ADAMTS5: variants seen among roughly 807,000 people sequenced by gnomAD.
ADAMTS5 encodes A disintegrin and metalloproteinase with thrombospondin motifs 5.
In ADAMTS5, 54 loss-of-function variants were observed where a neutral mutation model predicts 81.4. That is an observed-to-expected ratio of 0.66 (90% CI 0.53 to 0.83). ADAMTS5 has a LOEUF of 0.83. Ranked by LOEUF, ADAMTS5 falls within the 40% of genes least tolerant of loss-of-function variation. The probability of loss-of-function intolerance (pLI) is 0.00; values close to 1 mark genes in which losing one functional copy is unlikely to be tolerated. For synonymous variants in ADAMTS5, 532 were observed against 508.8 expected (o/e 1.05, Z -0.61); for missense variants, 1,194 against 1,229.9 (o/e 0.97, Z 0.44).
chr21:26,930,591 A>G (rs1028012224), intron 6 of ADAMTS5, among the ~76,000 whole-genome samples: 6 of 152,212 alleles, frequency 3.9e-5, no homozygotes, highest in African/African-American at 1.4e-4. Flanking sequence ...ATTAGTGCAG[A>G]AAAAGGAGTC....
chr21:26,929,998 T>C lies in ADAMTS5; in HGVS notation c.2113A>G (p.Arg705Gly). The change falls in exon 7 of 8, where the codon AGA becomes GGA. Residue 705 changes from arginine to glycine, a missense_variant. This residue lies in a region of ADAMTS5 where 696 missense variants were observed against 817.6 expected (regional missense o/e 0.85). Coordinates refer to ENST00000284987, the MANE Select transcript of ADAMTS5 (RefSeq NM_007038.5). ...NSVCVRGKCVRTGCDGIIGSK... is the reference protein window; with the variant it reads ...NSVCVRGKCVGTGCDGIIGSK... The stretch of plus-strand genomic sequence containing the variant: ...CCAATGATGCCGTCACAGCCAGTTC[T>C]CACACACTTCCCCCGGACGCAGACG... The C allele has an allele frequency of 6.2e-7, 1 of 1,614,162 alleles. No individual in the cohort carries two copies. The highest frequency in any genetic ancestry group is 8.5e-7 in the Non-Finnish European group (1 of 1,179,998).
At chr21:26,962,089 A>G (rs1250371915) in intron 1 of ADAMTS5, among the ~76,000 whole-genome samples, 1 of 152,132 alleles carries the variant, frequency 6.6e-6, no homozygotes, top group African/African-American at 2.4e-5. Flanking sequence ...ATTTTAATTC[A>G]GTGTTTCAAT....
At chr21:26,940,047 A>G (rs973343603) in intron 3 of ADAMTS5, among the ~76,000 whole-genome samples, 4 of 152,164 alleles carry the variant, frequency 2.6e-5, no homozygotes, top group South Asian at 4.1e-4. Flanking sequence ...ATCAGGAAAC[A>G]CTCAGTACTA....
At chr21:26,934,329 A>C in intron 4 of ADAMTS5, 137 bp downstream of exon 4, 7 of 1,135,254 alleles carry the variant, frequency 6.2e-6, no homozygotes, top group South Asian at 3.3e-5. Context: ...GTAAAAGAAG[A>C]AGCTCTAAAT....
intron 1 of ADAMTS5, among the ~76,000 whole-genome samples, chr21:26,959,357 A>G (rs1987483791): frequency 6.6e-6 from 1 of 152,184 alleles, no homozygotes; most frequent in East Asian, 1.9e-4. Context: ...ATGTCCTGAT[A>G]TTAACTAAAA....
chr21:26,925,312 A>T (rs751414249), intron 7 of ADAMTS5, among the ~76,000 whole-genome samples: 2 of 152,172 alleles, frequency 1.3e-5, no homozygotes, highest in Non-Finnish European at 2.9e-5. Flanking sequence ...GAAGCATGCA[A>T]TTCTGAAATT....
At chr21:26,930,227 G>GA (rs1260826409) in intron 6 of ADAMTS5, among the ~76,000 whole-genome samples, 166 bp from the exon 7 acceptor site, 1 of 151,058 alleles carries the variant, frequency 6.6e-6, no homozygotes, top group African/African-American at 2.4e-5. Context: ...GTAGCTAACT[G>GA]AAAAATCCTT....
At position 26,918,997 on chromosome 21, in the gene ADAMTS5, A is replaced by T. The variant is rs779077420; in HGVS notation, c.*5056T>A. On this transcript the variant is annotated 3_prime_UTR_variant, in exon 8 of 8. Coordinates refer to ENST00000284987, the MANE Select transcript of ADAMTS5 (RefSeq NM_007038.5). ...CACTGTTGGTCAAAACAATCATTGG[A>T]TGTGCTTATTTTTCAAATTTTGAGT... 9 of 151,932 alleles carry T rather than the reference A, an allele frequency of 5.9e-5. No homozygotes were observed. The highest frequency in any genetic ancestry group is 1.3e-4 in the Non-Finnish European group (9 of 67,910). The allele number at this position is 151,932 out of a possible 1,614,324, so 9.4% of individuals were successfully genotyped here.
At chr21:26,930,843 G>A (rs189866707) in intron 6 of ADAMTS5, among the ~76,000 whole-genome samples, 59 of 152,220 alleles carry the variant, frequency 3.9e-4, no homozygotes, top group African/African-American at 1.4e-3. Context: ...GTGTGTGTGT[G>A]AGTTGAAGTA....
At position 26,920,399 on chromosome 21, in the gene ADAMTS5, T is replaced by G. The variant is rs1986668529; in HGVS notation, c.*3654A>C. ...GCAGTAGGAAAACATCACATTCTCT[T>G]AATGGACACCCCATATTTGTAGAAA... is the stretch of plus-strand genomic sequence containing the variant. On this transcript the variant is annotated 3_prime_UTR_variant, in exon 8 of 8. Coordinates refer to ENST00000284987, the MANE Select transcript of ADAMTS5 (RefSeq NM_007038.5). 6.6e-6 allele frequency: 1 copy of G among 152,076 alleles called. No homozygotes were observed. Among genetic ancestry groups the G allele is most frequent in the African/African-American group, 2.4e-5 (1 of 41,428 alleles). The allele number at this position is 152,076 out of a possible 1,614,324, so 9.4% of individuals were successfully genotyped here.
intron 1 of ADAMTS5, among the ~76,000 whole-genome samples, chr21:26,957,032 T>G (rs1417355702): frequency 6.6e-6 from 1 of 152,346 alleles, no homozygotes; most frequent in African/African-American, 2.4e-5. Context: ...GTAGCTATAA[T>G]TATGTAAACT....
chr21:26,952,545 A>C (rs1245325797), intron 2 of ADAMTS5, among the ~76,000 whole-genome samples: 2 of 152,178 alleles, frequency 1.3e-5, no homozygotes, highest in Non-Finnish European at 2.9e-5. Flanking sequence ...AAGAAGCTGC[A>C]CTTATTGCCA....
At chr21:26,938,949 T>C (rs1261144863) in intron 3 of ADAMTS5, among the ~76,000 whole-genome samples, 1 of 152,202 alleles carries the variant, frequency 6.6e-6, no homozygotes, top group Non-Finnish European at 1.5e-5. Flanking sequence ...GACCCAAATA[T>C]TCATGATGCA....
chr21:26,924,031 T>C lies in ADAMTS5; in HGVS notation c.*22A>G, dbSNP rs766994517. 2.6e-6 allele frequency: 4 copies of C among 1,565,748 alleles called. No homozygotes were observed. In the African/African-American group the frequency reaches 4.1e-5, roughly 16 times the overall value. On this transcript the variant is annotated 3_prime_UTR_variant, in exon 8 of 8. Coordinates refer to ENST00000284987, the MANE Select transcript of ADAMTS5 (RefSeq NM_007038.5). ...GTGCTGAATCCTCCAGTTATCTTTG[T>C]GCATAAGATCATAACCACAGGCTAA...
intron 1 of ADAMTS5, among the ~76,000 whole-genome samples, chr21:26,962,425 T>G (rs892912083): frequency 4.6e-5 from 7 of 152,204 alleles, no homozygotes; most frequent in African/African-American, 1.7e-4. Flanking sequence ...GTGCTAACTC[T>G]CTCTAATTAG....
chr21:26,944,362 C>T (rs918646831), intron 2 of ADAMTS5, among the ~76,000 whole-genome samples: 1 of 152,164 alleles, frequency 6.6e-6, no homozygotes, highest in African/African-American at 2.4e-5. Flanking sequence ...GATATTTGTG[C>T]TTAAGCCTCT....
rs766853087 is a variant in ADAMTS5 at position 26,965,243 on chromosome 21, C to G, written c.1104+45G>C. The G allele has an allele frequency of 4.5e-6, 7 of 1,564,896 alleles. No homozygotes were observed. In the Middle Eastern group the frequency reaches 6.9e-4, roughly 154 times the overall value. On this transcript the variant is annotated intron_variant, in intron 1 of 7. Transcript: ENST00000284987. ...ACCAGCAAGATTCCCTTCTACCTAC[C>G]TCCTGATATCAGCGCTGGGACCCCC... is the stretch of plus-strand genomic sequence containing the variant.
At chr21:26,935,393 G>C (rs1166834982) in intron 3 of ADAMTS5, among the ~76,000 whole-genome samples, 1 of 152,122 alleles carries the variant, frequency 6.6e-6, no homozygotes, top group African/African-American at 2.4e-5. Flanking sequence ...TACCTTTGAA[G>C]GCCTTCCAAT....
At chr21:26,934,394 G>A (rs1464052984) in intron 4 of ADAMTS5, 72 bp downstream of exon 4, 2 of 1,571,318 alleles carry the variant, frequency 1.3e-6, no homozygotes, top group African/African-American at 2.7e-5. Flanking sequence ...TGAGAACAGT[G>A]CCCATACCCA....
Sources: gnomAD v4.1 joint callset for allele counts (sites outside exome capture counted in the v4.1 genomes callset) on GRCh38, gnomAD v4.1.1 for gene constraint, gnomAD v4.1.1 regional missense constraint, MANE v1.5 for transcripts, NCBI Gene and HGNC (gene_info 2026-07-23, HGNC 2026-07-21) for gene names.